The following PPIG variants were observed in gnomAD, a reference collection of about 807,000 sequenced individuals.
PPIG encodes the protein peptidyl-prolyl cis-trans isomerase G.
In PPIG, 26 loss-of-function variants were observed where a neutral mutation model predicts 87.9. The ratio of observed to expected loss-of-function variants is 0.30; its 90% CI spans 0.22 to 0.41. The LOEUF (loss-of-function observed/expected upper bound fraction) is 0.41, where lower values mean the gene tolerates loss of function less well. PPIG is among the 10% of genes least tolerant of loss of function. PPIG has a pLI of 1.00. For missense variants in PPIG, 722 were observed against 879.4 expected (o/e 0.82, Z 2.26); for synonymous variants, 308 against 276.5 (o/e 1.11, Z -1.13).
chr2:169,621,369 C>T (rs1225695383), intron 9 of PPIG, among the ~76,000 whole-genome samples: 1 of 151,938 alleles, frequency 6.6e-6, no homozygotes, highest in African/African-American at 2.4e-5. Context: ...TAAATATTCA[C>T]AGGTAAGTTA....
intron 9 of PPIG, among the ~76,000 whole-genome samples, chr2:169,623,785 C>CCATTTTAG (rs1480927573): frequency 6.6e-6 from 1 of 152,104 alleles, no homozygotes; most frequent in Non-Finnish European, 1.5e-5. Flanking sequence ...TGTCTAAAGA[C>CCATTTTAG]CATTTTAGGA....
rs760623341 is a variant in PPIG at position 169,637,230 on chromosome 2, T to G, written c.1972T>G (p.Ser658Ala). 5.0e-6 allele frequency: 8 copies of G among 1,612,992 alleles called. No individual in the cohort carries two copies. The highest frequency in any genetic ancestry group is 5.9e-6 in the Non-Finnish European group (7 of 1,179,798). ...TAAGAGCTCACACAGAAAAGAAAAT[T>G]CTGAGAGTGAGAAAAGAATGTACTC... ...ESKSSHRKENSESEKRMYSKS... is the reference protein window; with the variant it reads ...ESKSSHRKENAESEKRMYSKS... The change falls in exon 14 of 14, where the codon TCT (serine) becomes GCT (alanine). Residue 658 changes from serine to alanine, a missense_variant. Physicochemically the swap from Ser to Ala is moderately conservative, Grantham distance 99. This residue lies in a region of PPIG where 476 missense variants were observed against 483.1 expected (regional missense o/e 0.99). Transcript: ENST00000260970.
intron 7 of PPIG, among the ~76,000 whole-genome samples, chr2:169,613,362 C>T (rs1685539529): frequency 6.6e-6 from 1 of 152,046 alleles, no homozygotes; most frequent in African/African-American, 2.4e-5. Flanking sequence ...CATGCTTTCA[C>T]CAAAGATTAG....
intron 9 of PPIG, among the ~76,000 whole-genome samples, chr2:169,618,179 A>C (rs116676664): frequency 0.1 from 15,205 of 152,232 alleles, 961 homozygotes; most frequent in Middle Eastern, 0.19. Flanking sequence ...ATGTTGAACC[A>C]TTCTTGCATC....
At chr2:169,635,930 A>G (rs910192416) in intron 12 of PPIG, among the ~76,000 whole-genome samples, 162 bp from the exon 13 acceptor site, 2 of 152,162 alleles carry the variant, frequency 1.3e-5, no homozygotes, top group Admixed American at 1.3e-4. Flanking sequence ...ACCTGGAAAC[A>G]TATACTTTTA....
At chr2:169,627,306 A>G (rs1685915062) in intron 9 of PPIG, among the ~76,000 whole-genome samples, 1 of 152,164 alleles carries the variant, frequency 6.6e-6, no homozygotes, top group African/African-American at 2.4e-5. Context: ...CATGTTGGCC[A>G]GGCTGGTCTC....
chr2:169,601,903 G>C (rs1422394371), intron 1 of PPIG, among the ~76,000 whole-genome samples: 2 of 121,934 alleles, frequency 1.6e-5, no homozygotes, highest in South Asian at 2.5e-4. Context: ...CCAAAGACTT[G>C]TACAAAAAAA....
intron 1 of PPIG, among the ~76,000 whole-genome samples, chr2:169,591,920 A>ATTTTTTTTTTTTTTTTTTTTTTTT (rs3067016): frequency 1.1e-5 from 1 of 87,412 alleles, no homozygotes; most frequent in Non-Finnish European, 2.0e-5. Flanking sequence ...GCAATTCATG[A>ATTTTTTTTTTTTTTTTTTTTTTTT]TTTTTTTTTT....
At chr2:169,593,650 CTTTTTTTT>C (rs57902378) in intron 1 of PPIG, among the ~76,000 whole-genome samples, 2 of 106,204 alleles carry the variant, frequency 1.9e-5, no homozygotes, top group South Asian at 3.1e-4. Flanking sequence ...TGCTTTATAT[CTTTTTTTT>C]TTTTTTTTTT....
intron 7 of PPIG, 152 bp from the exon 8 acceptor site, chr2:169,614,312 G>C: frequency 2.9e-6 from 2 of 690,718 alleles, no homozygotes; most frequent in East Asian, 2.8e-5. Flanking sequence ...TTCTACTTAA[G>C]ATTGAGGTAA....
intron 4 of PPIG, 63 bp downstream of exon 4, chr2:169,604,324 TTGG>T: frequency 1.0e-6 from 1 of 965,740 alleles, no homozygotes; most frequent in South Asian, 1.8e-5. Context: ...GCTTGCTTGC[TTGG>T]TTTTTTTTTT....
At chr2:169,627,914 T>G (rs1453535861) in intron 9 of PPIG, among the ~76,000 whole-genome samples, 1 of 152,180 alleles carries the variant, frequency 6.6e-6, no homozygotes, top group African/African-American at 2.4e-5. Flanking sequence ...TTATTTTGCT[T>G]GCACAATTTT....
At chr2:169,614,096 T>C (rs1048913321) in intron 7 of PPIG, among the ~76,000 whole-genome samples, 2 of 152,244 alleles carry the variant, frequency 1.3e-5, no homozygotes, top group African/African-American at 4.8e-5. Context: ...TGGAATTGTT[T>C]CATAAATTTT....
At chr2:169,598,837 T>TTGTATGTATATAAATACAGGTAAA in intron 1 of PPIG, among the ~76,000 whole-genome samples, 1 of 68,956 alleles carries the variant, frequency 1.5e-5, no homozygotes, top group East Asian at 4.1e-4. Context: ...AGGTAAATAT[T>TTGTATGTATATAAATACAGGTAAA]TATATGTATA....
chr2:169,600,115 C>A (rs1685138970), intron 1 of PPIG, among the ~76,000 whole-genome samples: 1 of 150,924 alleles, frequency 6.6e-6, no homozygotes, highest in African/African-American at 2.4e-5. Context: ...CTCACTGTCA[C>A]CCAGGCTGGA....
chr2:169,616,546 G>A (rs1181405087), intron 9 of PPIG, among the ~76,000 whole-genome samples: 3 of 152,146 alleles, frequency 2.0e-5, no homozygotes, highest in East Asian at 1.9e-4. Flanking sequence ...TCTAACTGGC[G>A]TGAGATGGTA....
rs1013482368 is a variant in PPIG at position 169,598,086 on chromosome 2, C to T, written c.-69-5556C>T. 3.3e-5 allele frequency among the ~76,000 whole-genome samples: 5 copies of T among 151,766 alleles called. No individual in the cohort carries two copies. In the East Asian group the frequency reaches 7.8e-4, roughly 24 times the overall value. On this transcript the variant is annotated intron_variant, in intron 1 of 13. Coordinates refer to ENST00000260970, the MANE Select transcript of PPIG (RefSeq NM_004792.3). ...CACAATCTCAGCTCACTGCAACCTC[C>T]GCATCCTGGGCCCAAATGATCCTCC...
Position 169,636,891 on chromosome 2 carries a change from A to C in PPIG, c.1633A>C (p.Arg545=), listed in dbSNP as rs764921375. 10 of 1,613,834 alleles carry C rather than the reference A, an allele frequency of 6.2e-6. No individual in the cohort carries two copies. Among genetic ancestry groups the C allele is most frequent in the Non-Finnish European group, 8.5e-6 (10 of 1,179,978 alleles). Residue 545 remains arginine, a synonymous_variant, in exon 14 of 14, where the codon AGG becomes CGG. Coordinates refer to ENST00000260970, the MANE Select transcript of PPIG (RefSeq NM_004792.3). ...SKEKDRRAQS[R]SRECDITKGK... is the part of the protein sequence containing the mutation. ...GGAAAAGGATAGACGCGCACAATCC[A>C]GGAGTAGAGAATGTGATATAACTAA...
At chr2:169,610,561 C>T (rs1325818184) in intron 7 of PPIG, among the ~76,000 whole-genome samples, 2 of 151,914 alleles carry the variant, frequency 1.3e-5, no homozygotes, top group African/African-American at 4.8e-5. Context: ...AAGTGTCTCT[C>T]CCACCCAACC....
Sources: allele counts gnomAD v4.1 joint callset (sites outside exome capture counted in the v4.1 genomes callset), GRCh38; gene constraint gnomAD v4.1.1; regional missense constraint gnomAD v4.1.1; transcripts MANE v1.5; gene names NCBI Gene and HGNC (gene_info 2026-07-23, HGNC 2026-07-21).